Variants in SYN3 observed in about 807,000 individuals in gnomAD.
SYN3 encodes the protein synapsin III, also known as synapsin-3.
SYN3 carries 35 observed loss-of-function variants against 65.8 expected under a neutral mutation model. That is an observed-to-expected ratio of 0.53 (90% CI 0.41 to 0.70). The LOEUF (loss-of-function observed/expected upper bound fraction) is 0.70. Among genes scored for constraint, SYN3 ranks in the 30% least tolerant of loss-of-function variants. The probability of loss-of-function intolerance (pLI) is 0.00; values close to 1 mark genes in which losing one functional copy is unlikely to be tolerated. For missense variants in SYN3, 680 were observed against 749.0 expected, an observed-to-expected ratio of 0.91 and a Z score of 1.08; for synonymous variants, 270 against 292.9, an observed-to-expected ratio of 0.92 and a Z score of 0.80.
At chr22:32,920,077 T>A (rs970823819) in intron 4 of SYN3, among the ~76,000 whole-genome samples, 1 of 152,216 alleles carries the variant, frequency 6.6e-6, no homozygotes, top group Non-Finnish European at 1.5e-5. Flanking sequence ...CTTGCATTAC[T>A]GATGCTTCCT....
chr22:32,749,903 G>A (rs1035042907), intron 6 of SYN3, among the ~76,000 whole-genome samples: 2 of 152,160 alleles, frequency 1.3e-5, no homozygotes, highest in East Asian at 1.9e-4. Flanking sequence ...GGCTAGATAG[G>A]GGTCTGTTTG....
chr22:32,967,662 C>A (rs1028947597), intron 3 of SYN3, among the ~76,000 whole-genome samples: 2 of 152,222 alleles, frequency 1.3e-5, no homozygotes, highest in East Asian at 3.8e-4. Flanking sequence ...GTTCAGAAGT[C>A]CCTTTGGTTC....
intron 7 of SYN3, among the ~76,000 whole-genome samples, chr22:32,548,621 C>T (rs2058368077): frequency 6.6e-6 from 1 of 152,186 alleles, no homozygotes; most frequent in African/African-American, 2.4e-5. Flanking sequence ...ATCCGCCCGC[C>T]TCGGCCTCCC....
chr22:32,983,227 T>C (rs1052319090), intron 2 of SYN3, among the ~76,000 whole-genome samples: 1 of 152,180 alleles, frequency 6.6e-6, no homozygotes. Flanking sequence ...AGTTGACAGA[T>C]TGGTACATAA....
At chr22:32,580,618 C>T (rs1028672372) in intron 7 of SYN3, among the ~76,000 whole-genome samples, 4 of 151,384 alleles carry the variant, frequency 2.6e-5, no homozygotes, top group Non-Finnish European at 5.9e-5. Context: ...CTACTGTAGT[C>T]GGGAAAAAAA....
At chr22:32,553,146 C>T (rs554745264) in intron 7 of SYN3, among the ~76,000 whole-genome samples, 8 of 152,254 alleles carry the variant, frequency 5.3e-5, no homozygotes, top group African/African-American at 1.9e-4. Context: ...TAATTACCTC[C>T]CATAGATCCC....
At chr22:32,570,747 T>A (rs952583640) in intron 7 of SYN3, among the ~76,000 whole-genome samples, 33 of 152,184 alleles carry the variant, frequency 2.2e-4, no homozygotes, top group African/African-American at 7.5e-4. Flanking sequence ...GCAGGTAGCT[T>A]GGATAGGGTT....
intron 6 of SYN3, among the ~76,000 whole-genome samples, chr22:32,797,602 C>A (rs1016025813): frequency 6.6e-6 from 1 of 152,182 alleles, no homozygotes; most frequent in African/African-American, 2.4e-5. Flanking sequence ...CGCATAACTA[C>A]ACTGGGCTCC....
chr22:32,780,104 A>C (rs1396206676), intron 6 of SYN3, among the ~76,000 whole-genome samples: 5 of 132,030 alleles, frequency 3.8e-5, no homozygotes, highest in Admixed American at 1.5e-4. Context: ...GAGAAAAAAA[A>C]CAGAAATGGC....
intron 2 of SYN3, among the ~76,000 whole-genome samples, chr22:32,990,535 T>C (rs2052684158): frequency 6.6e-6 from 1 of 152,124 alleles, no homozygotes; most frequent in African/African-American, 2.4e-5. Context: ...TAGGACATAC[T>C]ATATTCTCAG....
chr22:32,617,476 CTTTTTTTTTTT>C (rs879649441), intron 6 of SYN3, among the ~76,000 whole-genome samples: 7 of 139,622 alleles, frequency 5.0e-5, no homozygotes, highest in Non-Finnish European at 9.4e-5. Flanking sequence ...CTTTTTTTTT[CTTTTTTTTTTT>C]TTAAAGAGAG....
At chr22:32,965,254 A>T (rs1330111186) in intron 3 of SYN3, among the ~76,000 whole-genome samples, 1 of 149,424 alleles carries the variant, frequency 6.7e-6, no homozygotes, top group Non-Finnish European at 1.5e-5. Context: ...TATATCAATG[A>T]TTTATCTGCA....
intron 4 of SYN3, among the ~76,000 whole-genome samples, chr22:32,871,045 C>T (rs1280639100): frequency 6.6e-6 from 1 of 152,208 alleles, no homozygotes; most frequent in Non-Finnish European, 1.5e-5. Flanking sequence ...ACATCCACTC[C>T]TCCCTGGCAG....
intron 7 of SYN3, among the ~76,000 whole-genome samples, chr22:32,553,821 T>G (rs535002215): frequency 6.6e-6 from 1 of 152,248 alleles, no homozygotes; most frequent in South Asian, 2.1e-4. Flanking sequence ...GCCTTTGGGG[T>G]TGGCCCACAT....
At chr22:32,573,526 A>T (rs532473021) in intron 7 of SYN3, among the ~76,000 whole-genome samples, 1 of 152,294 alleles carries the variant, frequency 6.6e-6, no homozygotes, top group South Asian at 2.1e-4. Flanking sequence ...TCTCTTGATG[A>T]ACTCTATCAT....
intron 6 of SYN3, among the ~76,000 whole-genome samples, chr22:32,772,500 G>T (rs2045799130): frequency 6.6e-6 from 1 of 151,988 alleles, no homozygotes; most frequent in Admixed American, 6.5e-5. Context: ...GAGATAGGCT[G>T]AAAAATGATC....
intron 1 of SYN3, among the ~76,000 whole-genome samples, chr22:33,037,594 A>G (rs919612264): frequency 1.3e-5 from 2 of 152,196 alleles, no homozygotes; most frequent in Non-Finnish European, 2.9e-5. Context: ...CCAGCAATCC[A>G]ATGAAGAAGC....
At chr22:32,921,849 G>C (rs1442157656) in intron 4 of SYN3, among the ~76,000 whole-genome samples, 1 of 152,116 alleles carries the variant, frequency 6.6e-6, no homozygotes, top group Non-Finnish European at 1.5e-5. Context: ...GGAGGAGGGG[G>C]AGTATTACAG....
Position 32,763,602 on chromosome 22 carries a change from T to C in SYN3, c.711+101313A>G, listed in dbSNP as rs1368762032. Among the ~76,000 whole-genome samples, 6 of 152,210 alleles carry C rather than the reference T, an allele frequency of 3.9e-5. No individual in the cohort carries two copies. In the East Asian group the frequency reaches 7.7e-4, roughly 20 times the overall value. On this transcript the variant is annotated intron_variant, in intron 6 of 13. Transcript: ENST00000358763. ...AGAGCCAGGACTCAAATCCAGACAG[T>C]CTGCATGCTGGTAGCCATGCAGTAC...
Sources: gnomAD v4.1 joint callset for allele counts (sites outside exome capture counted in the v4.1 genomes callset) on GRCh38, gnomAD v4.1.1 for gene constraint, MANE v1.5 for transcripts, NCBI Gene and HGNC (gene_info 2026-07-23, HGNC 2026-07-21) for gene names.